AKAP6: variants seen among roughly 807,000 people sequenced by gnomAD.
AKAP6 encodes the protein A-kinase anchor protein 6.
A neutral mutation model predicts 188.5 loss-of-function variants in AKAP6; 58 were observed. That is an observed-to-expected ratio of 0.31 (90% CI 0.25 to 0.38). AKAP6 has a LOEUF of 0.38. Ranked by LOEUF, AKAP6 falls within the 10% of genes least tolerant of loss-of-function variation. The pLI is 1.00. For synonymous variants in AKAP6, 989 were observed against 998.6 expected, an observed-to-expected ratio of 0.99 and a Z score of 0.18; for missense variants, 2,710 against 2,740.0, an observed-to-expected ratio of 0.99 and a Z score of 0.24.
chr14:32,812,389 T>A (rs936392978), intron 12 of AKAP6, among the ~76,000 whole-genome samples: 3 of 152,146 alleles, frequency 2.0e-5, no homozygotes, highest in African/African-American at 7.2e-5. Context: ...CCTAAATTTT[T>A]AAAAAATTCA....
At chr14:32,377,413 T>C (rs1311487101) in intron 1 of AKAP6, among the ~76,000 whole-genome samples, 1 of 152,192 alleles carries the variant, frequency 6.6e-6, no homozygotes, top group Non-Finnish European at 1.5e-5. Flanking sequence ...CCCATGAGAA[T>C]AGAAGAGAGC....
At chr14:32,416,680 G>A (rs772246348) in intron 1 of AKAP6, among the ~76,000 whole-genome samples, 9 of 151,922 alleles carry the variant, frequency 5.9e-5, no homozygotes, top group South Asian at 2.1e-4. Context: ...TCAGCCTCTC[G>A]AGTAGCTGAG....
At chr14:32,655,359 C>G (rs1888412410) in intron 7 of AKAP6, among the ~76,000 whole-genome samples, 1 of 152,096 alleles carries the variant, frequency 6.6e-6, no homozygotes, top group Non-Finnish European at 1.5e-5. Context: ...AGTGTTAAAC[C>G]ATATGGTATA....
In AKAP6 at chr14:32,781,348, CA is replaced by C. The variant is rs34848067; in HGVS notation, c.3588+7470del. Among the ~76,000 whole-genome samples the C allele has an allele frequency of 5.8e-3, 675 of 117,160 alleles. 2 individuals carry two copies. Among genetic ancestry groups the C allele is most frequent in the African/African-American group, 0.011 (371 of 33,614 alleles). The allele number at this position is 117,160 out of a possible 152,430, so 76.9% of individuals were successfully genotyped here. A position where few individuals can be genotyped will look rare whatever the true frequency, so the allele number is the denominator to read the frequency against. The stretch of plus-strand genomic sequence containing the variant: ...GGGCAACAAGAGTGAAACTTACTCT[CA>C]AAAAAAAAAAAAAAGAGAATATGAA... On this transcript the variant is annotated intron_variant, in intron 12 of 13. Coordinates refer to ENST00000280979, the MANE Select transcript of AKAP6 (RefSeq NM_004274.5).
intron 5 of AKAP6, among the ~76,000 whole-genome samples, chr14:32,587,102 T>G (rs888706329): frequency 1.3e-5 from 2 of 152,176 alleles, no homozygotes; most frequent in Non-Finnish European, 2.9e-5. Flanking sequence ...CTTACTGTAG[T>G]TTAGTTTGTA....
intron 2 of AKAP6, among the ~76,000 whole-genome samples, chr14:32,491,913 C>T (rs10130381): frequency 0.071 from 10,771 of 152,032 alleles, 916 homozygotes; most frequent in African/African-American, 0.21. Flanking sequence ...TTTTAATTGA[C>T]GTTCTCCACC....
chr14:32,373,090 G>T (rs1888059720), intron 1 of AKAP6, among the ~76,000 whole-genome samples: 1 of 151,456 alleles, frequency 6.6e-6, no homozygotes, highest in Non-Finnish European at 1.5e-5. Context: ...AAAATTTATG[G>T]CTTTTTTGGG....
At chr14:32,510,420 A>ATGTG (rs1881152055) in intron 2 of AKAP6, among the ~76,000 whole-genome samples, 1 of 95,052 alleles carries the variant, frequency 1.1e-5, no homozygotes, top group Admixed American at 1.2e-4. Context: ...ATATGTATAT[A>ATGTG]TATACATATA....
In AKAP6 at chr14:32,719,877, T is replaced by C. The variant is rs369482834; in HGVS notation, c.3001-12577T>C. On this transcript the variant is annotated intron_variant, in intron 9 of 13. Coordinates refer to ENST00000280979, the MANE Select transcript of AKAP6 (RefSeq NM_004274.5). ...ACACTTAGCCTTCACATTTACAGTG[T>C]GCTATTAACATTACTTGCAATTGTA... is the stretch of plus-strand genomic sequence containing the variant. Among the ~76,000 whole-genome samples, 38 of 152,202 alleles carry C rather than the reference T, an allele frequency of 2.5e-4. 2 individuals are homozygous for C. The South Asian group carries it at 7.3e-3, about 29-fold the overall frequency.
intron 7 of AKAP6, among the ~76,000 whole-genome samples, chr14:32,636,871 AG>A (rs1316931367): frequency 6.6e-6 from 1 of 152,020 alleles, no homozygotes; most frequent in Non-Finnish European, 1.5e-5. Context: ...GTACTTAAGC[AG>A]GGGGTGGCAT....
At chr14:32,678,844 T>C (rs897848640) in intron 8 of AKAP6, among the ~76,000 whole-genome samples, 2 of 152,248 alleles carry the variant, frequency 1.3e-5, no homozygotes, top group Non-Finnish European at 2.9e-5. Context: ...CAGAACCATT[T>C]TGGAAACTTA....
intron 12 of AKAP6, among the ~76,000 whole-genome samples, chr14:32,778,427 A>T (rs1461237601): frequency 6.6e-6 from 1 of 152,094 alleles, no homozygotes; most frequent in Non-Finnish European, 1.5e-5. Context: ...GCCAGGAACT[A>T]TGTGGTTTTT....
At chr14:32,515,728 A>AT (rs1350598554) in intron 2 of AKAP6, among the ~76,000 whole-genome samples, 4 of 152,160 alleles carry the variant, frequency 2.6e-5, no homozygotes, top group Middle Eastern at 6.8e-3. Context: ...ATCTAGATAC[A>AT]TTTTTTGCTT....
At chr14:32,461,377 G>A (rs151133624) in intron 2 of AKAP6, among the ~76,000 whole-genome samples, 273 of 152,332 alleles carry the variant, frequency 1.8e-3, no homozygotes, top group Middle Eastern at 6.8e-3. Flanking sequence ...TCCAGAGGAA[G>A]GAGCAGGCAG....
Position 32,360,370 on chromosome 14 carries a change from G to A in AKAP6, c.-35+30962G>A, listed in dbSNP as rs533128735. On this transcript the variant is annotated intron_variant, in intron 1 of 13. Coordinates refer to ENST00000280979, the MANE Select transcript of AKAP6 (RefSeq NM_004274.5). ...CTTAAACTTCTTACCTCAGGGATCC[G>A]TCCGCCTTGGCCTCTCAAAGTGCTG... 1.2e-4 allele frequency among the ~76,000 whole-genome samples: 19 copies of A among 152,102 alleles called. No individual in the cohort carries two copies. In the South Asian group the frequency reaches 2.7e-3, roughly 22 times the overall value.
chr14:32,754,429 C>T (rs2032256856), intron 11 of AKAP6, among the ~76,000 whole-genome samples: 1 of 152,114 alleles, frequency 6.6e-6, no homozygotes, highest in African/African-American at 2.4e-5. Flanking sequence ...TCACAATTCA[C>T]ATATCTTACA....
At chr14:32,654,153 G>A (rs1888348401) in intron 7 of AKAP6, among the ~76,000 whole-genome samples, 1 of 152,102 alleles carries the variant, frequency 6.6e-6, no homozygotes, top group Non-Finnish European at 1.5e-5. Flanking sequence ...TATCTGCTGT[G>A]TAATTTTCTC....
chr14:32,585,239 C>G (rs1211725132), intron 5 of AKAP6, among the ~76,000 whole-genome samples: 4 of 152,154 alleles, frequency 2.6e-5, no homozygotes, highest in African/African-American at 9.7e-5. Context: ...CTTCTTTTAT[C>G]TGCAGCCAAT....
intron 1 of AKAP6, among the ~76,000 whole-genome samples, chr14:32,352,263 T>G (rs1286930657): frequency 2.6e-5 from 4 of 151,946 alleles, no homozygotes; most frequent in African/African-American, 7.3e-5. Context: ...TCTTTTTTTT[T>G]TTGGTTTTAT....
Sources: gnomAD v4.1 joint callset for allele counts (sites outside exome capture counted in the v4.1 genomes callset) on GRCh38, gnomAD v4.1.1 for gene constraint, MANE v1.5 for transcripts, NCBI Gene and HGNC (gene_info 2026-07-23, HGNC 2026-07-21) for gene names.